The following ZNF343 variants were observed in gnomAD, a reference collection of about 807,000 sequenced individuals.
ZNF343 encodes zinc finger protein 343.
In ZNF343, 11 loss-of-function variants were observed where a neutral mutation model predicts 13.8. The ratio of observed to expected loss-of-function variants is 0.80; its 90% CI spans 0.50 to 1.32. The LOEUF (loss-of-function observed/expected upper bound fraction) is 1.32, where lower values mean the gene tolerates loss of function less well. ZNF343 is among the 40% of genes most tolerant of loss of function. The pLI is 0.00. For synonymous variants in ZNF343, 248 were observed against 260.0 expected, an observed-to-expected ratio of 0.95 and a Z score of 0.44; for missense variants, 658 against 714.2, an observed-to-expected ratio of 0.92 and a Z score of 0.90.
intron 2 of ZNF343, among the ~76,000 whole-genome samples, chr20:2,499,500 A>G (rs2085524438): frequency 6.7e-6 from 1 of 150,222 alleles, no homozygotes; most frequent in African/African-American, 2.4e-5. Flanking sequence ...AAGAAAAAGA[A>G]ATGGCCCTCT....
At chr20:2,520,674 G>C (rs1241818746) in intron 1 of ZNF343, among the ~76,000 whole-genome samples, 1 of 152,100 alleles carries the variant, frequency 6.6e-6, no homozygotes, top group Non-Finnish European at 1.5e-5. Flanking sequence ...AAATGGGTCT[G>C]GGAAGATCAT....
In ZNF343 at chr20:2,498,880, C is replaced by A. The variant is rs546785720; in HGVS notation, c.-150+1776G>T. 6.6e-5 allele frequency among the ~76,000 whole-genome samples: 10 copies of A among 152,280 alleles called. No individual in the cohort carries two copies. The East Asian group carries it at 1.4e-3, about 21-fold the overall frequency. On this transcript the variant is annotated intron_variant, in intron 2 of 5. Transcript: ENST00000278772. Reference sequence around the variant, plus strand: ...AGGCAATCTGTCTCCAGAGCCCACACCCAGGCTGAAGCGCAGTGGTGTGAT... The same window carrying A: ...AGGCAATCTGTCTCCAGAGCCCACAACCAGGCTGAAGCGCAGTGGTGTGAT...
At chr20:2,505,405 A>G (rs1267552363) in intron 1 of ZNF343, among the ~76,000 whole-genome samples, 1 of 152,240 alleles carries the variant, frequency 6.6e-6, no homozygotes, top group Non-Finnish European at 1.5e-5. Context: ...TGCCATCCCC[A>G]TCAAGCTACC....
chr20:2,502,344 T>C (rs1457997884), intron 1 of ZNF343, among the ~76,000 whole-genome samples: 3 of 152,094 alleles, frequency 2.0e-5, no homozygotes, highest in Admixed American at 6.6e-5. Flanking sequence ...GATTGGTGTA[T>C]CTGAAAGTGA....
chr20:2,483,071 C>A lies in ZNF343; in HGVS notation c.*90G>T. Reference sequence around the variant, plus strand: ...CACTCACAATCTGTGTACACAGGGTCTACTCCCCATGTGTCTCTCTGGGGT... The same window carrying A: ...CACTCACAATCTGTGTACACAGGGTATACTCCCCATGTGTCTCTCTGGGGT... On this transcript the variant is annotated 3_prime_UTR_variant, in exon 6 of 6. Transcript: ENST00000278772. The A allele has an allele frequency of 7.1e-7, 1 of 1,416,798 alleles. No homozygotes were observed. Among genetic ancestry groups the A allele is most frequent in the South Asian group, 1.4e-5 (1 of 72,732 alleles). The allele number at this position is 1,416,798 out of a possible 1,614,324, so 87.8% of individuals were successfully genotyped here. A position where few individuals can be genotyped will look rare whatever the true frequency, so the allele number is the denominator to read the frequency against.
At chr20:2,505,771 C>T (rs2085645630) in intron 1 of ZNF343, among the ~76,000 whole-genome samples, 3 of 152,228 alleles carry the variant, frequency 2.0e-5, no homozygotes, top group South Asian at 2.1e-4. Flanking sequence ...CCCTTCCTTA[C>T]ACCTTATACA....
chr20:2,517,178 C>T (rs1217974087), intron 1 of ZNF343, among the ~76,000 whole-genome samples: 1 of 152,016 alleles, frequency 6.6e-6, no homozygotes, highest in Non-Finnish European at 1.5e-5. Context: ...TAAATGAAAC[C>T]AAGCTGTTTA....
Position 2,482,545 on chromosome 20 carries a change from G to A in ZNF343, c.*616C>T, listed in dbSNP as rs536115753. On this transcript the variant is annotated 3_prime_UTR_variant, in exon 6 of 6. Transcript: ENST00000278772. ...AAGGTGCATTGCCCCTGTGGTGCAT[G>A]CAGCTCCCTGTGGCTGAGAGTGAGT... 1.3e-5 allele frequency: 2 copies of A among 154,792 alleles called. No homozygotes were observed. The highest frequency in any genetic ancestry group is 1.4e-5 in the Non-Finnish European group (1 of 69,748). The allele number at this position is 154,792 out of a possible 1,614,324, so 9.6% of individuals were successfully genotyped here. A position where few individuals can be genotyped will look rare whatever the true frequency, so the allele number is the denominator to read the frequency against.
At chr20:2,512,919 CAAAA>C (rs71193970), upstream of ZNF343, among the ~76,000 whole-genome samples, 10 of 125,322 alleles carry the variant, frequency 8.0e-5, no homozygotes, top group Admixed American at 1.6e-4. Flanking sequence ...ATTTCTCTAC[CAAAA>C]AAAAAAAAAA....
chr20:2,484,684 T>C (rs867591944), intron 5 of ZNF343, 28 bp from the exon 6 acceptor site: 1 of 1,555,168 alleles, frequency 6.4e-7, no homozygotes, highest in Middle Eastern at 1.7e-4. Context: ...TCTGTTAGAG[T>C]AGCCATAAGT....
At chr20:2,494,667 G>A (rs1030641197) in intron 2 of ZNF343, among the ~76,000 whole-genome samples, 32 of 152,118 alleles carry the variant, frequency 2.1e-4, no homozygotes, top group African/African-American at 6.7e-4. Context: ...TACTCAGCAG[G>A]CTGAGGTGGG....
chr20:2,501,383 G>T (rs2085563499), intron 1 of ZNF343, among the ~76,000 whole-genome samples: 1 of 152,176 alleles, frequency 6.6e-6, no homozygotes, highest in Non-Finnish European at 1.5e-5. Context: ...TCCACCTCTG[G>T]GGGCAGGGCA....
chr20:2,519,385 C>T (rs992944201), intron 1 of ZNF343, among the ~76,000 whole-genome samples: 3 of 152,198 alleles, frequency 2.0e-5, no homozygotes, highest in Admixed American at 2.0e-4. Flanking sequence ...GACCTTCACA[C>T]TCACACTGAC....
At chr20:2,517,559 T>A (rs1389796509) in intron 1 of ZNF343, among the ~76,000 whole-genome samples, 1 of 151,700 alleles carries the variant, frequency 6.6e-6, no homozygotes, top group Admixed American at 6.6e-5. Context: ...TAGAGTGCAG[T>A]GGCATCATCA....
In ZNF343 at chr20:2,483,885, C is replaced by T; in HGVS notation, c.1076G>A (p.Gly359Glu). ...GGATGACTTCTCGCTAAAGCCTCGCCCACACTCGCTGCAAACATAGGGCTT... is the reference window on the plus strand; with the variant it reads ...GGATGACTTCTCGCTAAAGCCTCGCTCACACTCGCTGCAAACATAGGGCTT... ...EEKPYVCSEC[G>E]RGFSEKSSFI... The change falls in exon 6 of 6, where the codon GGG becomes GAG. Residue 359 changes from glycine (G) to glutamate (E), a missense_variant. By Grantham distance (98) the Gly-to-Glu change is moderately conservative (BLOSUM62 -2). Coordinates refer to ENST00000278772, the MANE Select transcript of ZNF343 (RefSeq NM_024325.6). 1 of 1,614,214 alleles carries T rather than the reference C, an allele frequency of 6.2e-7. No homozygotes were observed. Among genetic ancestry groups the T allele is most frequent in the Non-Finnish European group, 8.5e-7 (1 of 1,180,036 alleles).
chr20:2,484,509 C>T lies in ZNF343; in HGVS notation c.452G>A (p.Trp151Ter), dbSNP rs568275863. 6.2e-7 allele frequency: 1 copy of T among 1,614,198 alleles called. No individual in the cohort carries two copies. Among genetic ancestry groups the T allele is most frequent in the East Asian group, 2.2e-5 (1 of 44,882 alleles). Reference sequence around the variant, plus strand: ...GGAATACTGCTGCCCCTGCTGTTTCCAATGCCCTGGGCTAGAATTCCCTGG... The same window carrying T: ...GGAATACTGCTGCCCCTGCTGTTTCTAATGCCCTGGGCTAGAATTCCCTGG... ...FHPGNSSPGH[W>*]KQQGQQYSHV... The change falls in exon 6 of 6, where the codon TGG becomes TAG. Residue 151 changes from tryptophan to a stop codon, truncating the protein, a stop_gained. Coordinates refer to ENST00000278772, the MANE Select transcript of ZNF343 (RefSeq NM_024325.6). LOFTEE classifies it low-confidence loss of function (END_TRUNC).
chr20:2,497,124 C>T (rs1304915722), intron 2 of ZNF343, among the ~76,000 whole-genome samples: 1 of 152,058 alleles, frequency 6.6e-6, no homozygotes, highest in Non-Finnish European at 1.5e-5. Context: ...AAAGCTATAA[C>T]TGGAGCAAAT....
At chr20:2,515,674 C>T (rs1185108387) in intron 1 of ZNF343, among the ~76,000 whole-genome samples, 1 of 152,148 alleles carries the variant, frequency 6.6e-6, no homozygotes, top group Admixed American at 6.5e-5. Context: ...CTCTACTTGT[C>T]AGTAGTTCTT....
chr20:2,514,564 T>C (rs2085751111), intron 1 of ZNF343, among the ~76,000 whole-genome samples: 2 of 152,196 alleles, frequency 1.3e-5, no homozygotes, highest in South Asian at 4.1e-4. Flanking sequence ...TCGTTGCTAG[T>C]CAAATCAAAG....
Sources: allele counts gnomAD v4.1 joint callset (sites outside exome capture counted in the v4.1 genomes callset), GRCh38; gene constraint gnomAD v4.1.1; transcripts MANE v1.5; gene names NCBI Gene and HGNC (gene_info 2026-07-23, HGNC 2026-07-21).